USP54: variants seen among roughly 807,000 people sequenced by gnomAD.
USP54 encodes ubiquitin specific peptidase 54.
A neutral mutation model predicts 170.5 loss-of-function variants in USP54; 87 were observed. The observed-to-expected ratio is 0.51, with a 90% CI of 0.43 to 0.61. The LOEUF is 0.61. Among genes scored for constraint, USP54 ranks in the 20% least tolerant of loss-of-function variants. The pLI is 0.00. For missense variants in USP54, 1,786 were observed against 2,047.8 expected (o/e 0.87, Z 2.47); for synonymous variants, 655 against 742.8 (o/e 0.88, Z 1.92).
intron 1 of USP54, among the ~76,000 whole-genome samples, chr10:73,589,180 CCAAT>C (rs1159938196): frequency 7.2e-5 from 11 of 152,154 alleles, no homozygotes; most frequent in Non-Finnish European, 1.5e-4. Flanking sequence ...TTTCATGAGA[CCAAT>C]CAAACTCACA....
chr10:73,500,336 T>C (rs2057834662), intron 23 of USP54, among the ~76,000 whole-genome samples: 1 of 152,188 alleles, frequency 6.6e-6, no homozygotes, highest in African/African-American at 2.4e-5. Context: ...CCATTTCTGT[T>C]CTGGGGATGT....
intron 1 of USP54, among the ~76,000 whole-genome samples, chr10:73,622,836 G>A (rs954269822): frequency 1.3e-5 from 2 of 151,876 alleles, no homozygotes; most frequent in Admixed American, 1.3e-4. Flanking sequence ...AGCTCCTGGA[G>A]AGGCTGAAAA....
intron 4 of USP54, among the ~76,000 whole-genome samples, chr10:73,557,968 C>T (rs1202021859): frequency 1.4e-5 from 2 of 146,914 alleles, no homozygotes; most frequent in Admixed American, 6.9e-5. Context: ...CTTGCAACCT[C>T]GCCTCCAGGG....
At chr10:73,609,478 G>C (rs949580047) in intron 1 of USP54, among the ~76,000 whole-genome samples, 1 of 152,174 alleles carries the variant, frequency 6.6e-6, no homozygotes, top group Non-Finnish European at 1.5e-5. Flanking sequence ...TTGGGAGGCC[G>C]AGGTGGGCGA....
intron 12 of USP54, among the ~76,000 whole-genome samples, chr10:73,533,265 C>T (rs1453272137): frequency 1.3e-5 from 2 of 151,506 alleles, no homozygotes; most frequent in Non-Finnish European, 2.9e-5. Flanking sequence ...AAGATCGTGC[C>T]ACTGCACTCC....
intron 1 of USP54, among the ~76,000 whole-genome samples, chr10:73,605,458 T>G (rs1436002613): frequency 1.3e-5 from 2 of 151,980 alleles, no homozygotes; most frequent in Non-Finnish European, 2.9e-5. Flanking sequence ...GCCCAGAATA[T>G]CGATACTGCA....
At chr10:73,563,088 A>G (rs2073442234) in intron 4 of USP54, among the ~76,000 whole-genome samples, 1 of 152,042 alleles carries the variant, frequency 6.6e-6, no homozygotes, top group Admixed American at 6.6e-5. Flanking sequence ...AGTAGCTGGG[A>G]CCACAGGCAC....
At position 73,606,175 on chromosome 10, in the gene USP54, C is replaced by CAAAAAAAAAAAAAAAA. The variant is rs1178699732; in HGVS notation, c.-18+19376_-18+19391dup. Among the ~76,000 whole-genome samples the CAAAAAAAAAAAAAAAA allele has an allele frequency of 8.2e-4, 21 of 25,618 alleles. 2 individuals are homozygous for CAAAAAAAAAAAAAAAA. Among genetic ancestry groups the CAAAAAAAAAAAAAAAA allele is most frequent in the East Asian group, 2.0e-3 (2 of 1,018 alleles). The allele number at this position is 25,618 out of a possible 152,430, so 16.8% of individuals were successfully genotyped here. A position where few individuals can be genotyped will look rare whatever the true frequency, so the allele number is the denominator to read the frequency against. On this transcript the variant is annotated intron_variant, in intron 1 of 22. Transcript: ENST00000339859. ...CCTGGGCGACAGAGTGAGGCTGTCT[C>CAAAAAAAAAAAAAAAA]AAAAAAAAAAAAAAAAAAAAAAAAA... is the stretch of plus-strand genomic sequence containing the variant.
intron 14 of USP54, 45 bp downstream of exon 14, chr10:73,530,098 T>C: frequency 6.5e-7 from 1 of 1,547,178 alleles, no homozygotes; most frequent in South Asian, 1.3e-5. Flanking sequence ...AAGACATAAA[T>C]CAACTTTATT....
intron 4 of USP54, among the ~76,000 whole-genome samples, chr10:73,548,609 C>G (rs778395126): frequency 6.6e-6 from 1 of 152,102 alleles, no homozygotes; most frequent in African/African-American, 2.4e-5. Context: ...AGCCATCATT[C>G]TCAGCAAACT....
intron 1 of USP54, among the ~76,000 whole-genome samples, chr10:73,603,535 C>T (rs979809790): frequency 6.6e-6 from 1 of 151,844 alleles, no homozygotes; most frequent in Admixed American, 6.6e-5. Flanking sequence ...GCCAACATGG[C>T]GAAACCCCAT....
intron 4 of USP54, among the ~76,000 whole-genome samples, chr10:73,557,468 C>T (rs1057514424): frequency 3.3e-4 from 49 of 150,172 alleles, no homozygotes; most frequent in African/African-American, 1.2e-3. Context: ...CTATAGGTGC[C>T]GCCCACCACA....
At chr10:73,566,476 G>A (rs1468110139) in intron 4 of USP54, among the ~76,000 whole-genome samples, 2 of 152,138 alleles carry the variant, frequency 1.3e-5, no homozygotes, top group Non-Finnish European at 2.9e-5. Flanking sequence ...GCTCACGCCT[G>A]TAATCCCAGC....
chr10:73,581,014 T>C (rs2076840884), intron 1 of USP54, among the ~76,000 whole-genome samples: 1 of 152,240 alleles, frequency 6.6e-6, no homozygotes, highest in Non-Finnish European at 1.5e-5. Flanking sequence ...ATTCACACAA[T>C]GACAAAACCA....
At chr10:73,545,486 G>A in intron 5 of USP54, 52 bp downstream of exon 5, 1 of 1,598,864 alleles carries the variant, frequency 6.3e-7, no homozygotes. Flanking sequence ...CCCTGATGGA[G>A]ACCATCAGCA....
intron 1 of USP54, among the ~76,000 whole-genome samples, chr10:73,617,766 T>A (rs1424662251): frequency 1.3e-5 from 2 of 149,908 alleles, no homozygotes; most frequent in African/African-American, 5.1e-5. Flanking sequence ...TAAAATTAGC[T>A]GGGCATGGTG....
intron 10 of USP54, 91 bp from the exon 11 acceptor site, chr10:73,536,528 T>C (rs762192231): frequency 2.2e-6 from 3 of 1,352,522 alleles, no homozygotes; most frequent in Non-Finnish European, 2.9e-6. Flanking sequence ...CTAAAGAAAA[T>C]AAAAGAGATG....
chr10:73,519,627 C>T, intron 19 of USP54, 170 bp downstream of exon 19: 1 of 987,972 alleles, frequency 1.0e-6, no homozygotes, highest in Admixed American at 2.7e-5. Context: ...AGATAAGGAC[C>T]AGCAGTACAA....
At chr10:73,599,450 T>G (rs1358092032) in intron 1 of USP54, among the ~76,000 whole-genome samples, 5 of 152,240 alleles carry the variant, frequency 3.3e-5, no homozygotes, top group African/African-American at 1.2e-4. Context: ...TTTCCCAAGA[T>G]TTAACAATTT....
Sources: allele counts gnomAD v4.1 joint callset (sites outside exome capture counted in the v4.1 genomes callset), GRCh38; gene constraint gnomAD v4.1.1; transcripts MANE v1.5; gene names NCBI Gene and HGNC (gene_info 2026-07-23, HGNC 2026-07-21).